MAGI2: variants seen among roughly 807,000 people sequenced by gnomAD.
MAGI2 encodes membrane associated guanylate kinase, WW and PDZ domain containing 2.
Under a neutral mutation model 133.3 loss-of-function variants are expected in MAGI2, and 35 were observed. The ratio of observed to expected loss-of-function variants is 0.26; its 90% CI spans 0.20 to 0.35. The LOEUF is 0.35. Ranked by LOEUF, MAGI2 falls within the 10% of genes least tolerant of loss-of-function variation. The pLI, the probability that MAGI2 is intolerant of heterozygous loss-of-function variation, is 1.00. For missense variants in MAGI2, 1,636 were observed against 1,863.4 expected (o/e 0.88, Z 2.25); for synonymous variants, 729 against 710.6 (o/e 1.03, Z -0.41).
chr7:78,920,179 T>G (rs1325242653), intron 2 of MAGI2, among the ~76,000 whole-genome samples: 1 of 152,102 alleles, frequency 6.6e-6, no homozygotes, highest in East Asian at 1.9e-4. Context: ...GGAGACTGTA[T>G]AGTGTAGTGT....
intron 3 of MAGI2, among the ~76,000 whole-genome samples, chr7:78,538,489 T>C (rs1420396834): frequency 6.6e-6 from 1 of 152,212 alleles, no homozygotes; most frequent in African/African-American, 2.4e-5. Context: ...ATTTGTGTTG[T>C]CCATGAGTTA....
At chr7:79,106,590 G>C (rs1485360979) in intron 1 of MAGI2, among the ~76,000 whole-genome samples, 1 of 152,092 alleles carries the variant, frequency 6.6e-6, no homozygotes, top group Non-Finnish European at 1.5e-5. Context: ...TTCCTACTAA[G>C]AGTCTTACAA....
At chr7:79,083,305 T>TTA (rs1816213177) in intron 1 of MAGI2, among the ~76,000 whole-genome samples, 1 of 6 alleles carries the variant, frequency 0.17, no homozygotes, top group East Asian at 0.5. Context: ...ATGATGTTAT[T>TTA]TTTTTTTTTT....
chr7:78,996,643 G>A (rs925684541), intron 2 of MAGI2, among the ~76,000 whole-genome samples: 1 of 152,096 alleles, frequency 6.6e-6, no homozygotes, highest in Admixed American at 6.6e-5. Flanking sequence ...AACGGCACTT[G>A]TATCCCTGAA....
chr7:78,579,359 C>T (rs936551533), intron 3 of MAGI2, among the ~76,000 whole-genome samples: 1 of 152,074 alleles, frequency 6.6e-6, no homozygotes, highest in African/African-American at 2.4e-5. Flanking sequence ...ATATACCTCC[C>T]CAAAATATGA....
intron 6 of MAGI2, among the ~76,000 whole-genome samples, chr7:78,424,702 A>G (rs1173272709): frequency 1.3e-5 from 2 of 152,208 alleles, no homozygotes; most frequent in Non-Finnish European, 2.9e-5. Flanking sequence ...AATGTGAGAC[A>G]TGGAGTCAAA....
chr7:78,646,008 G>A (rs544244380), intron 2 of MAGI2, among the ~76,000 whole-genome samples: 1 of 152,226 alleles, frequency 6.6e-6, no homozygotes, highest in African/African-American at 2.4e-5. Flanking sequence ...CAAAGTGCTG[G>A]GATTACAGGC....
At chr7:79,074,772 C>T (rs555267846) in intron 1 of MAGI2, among the ~76,000 whole-genome samples, 9 of 152,158 alleles carry the variant, frequency 5.9e-5, no homozygotes, top group African/African-American at 1.4e-4. Context: ...GAAAGCCAAA[C>T]AGGAAATCTG....
chr7:78,896,632 A>G (rs571953205), intron 2 of MAGI2, among the ~76,000 whole-genome samples: 2 of 151,654 alleles, frequency 1.3e-5, no homozygotes, highest in Non-Finnish European at 2.9e-5. Flanking sequence ...CAGTCGTGCA[A>G]TCTCGGCTCA....
At chr7:78,504,360 T>G (rs1165054517) in intron 4 of MAGI2, among the ~76,000 whole-genome samples, 1 of 152,204 alleles carries the variant, frequency 6.6e-6, no homozygotes, top group Non-Finnish European at 1.5e-5. Context: ...GAGCTATTCA[T>G]GGATTCATTT....
At chr7:78,975,293 T>G (rs961636475) in intron 2 of MAGI2, among the ~76,000 whole-genome samples, 15 of 151,894 alleles carry the variant, frequency 9.9e-5, no homozygotes, top group Admixed American at 2.0e-4. Context: ...TAAAATGCAC[T>G]TTAATAAAAT....
chr7:79,309,208 G>GT lies in MAGI2; in HGVS notation c.301+143811dup, dbSNP rs1444139600. Among the ~76,000 whole-genome samples, 3 of 151,844 alleles carry GT rather than the reference G, an allele frequency of 2.0e-5. No homozygotes were observed. In the East Asian group the frequency reaches 5.8e-4, roughly 29 times the overall value. On this transcript the variant is annotated intron_variant, in intron 1 of 21. Transcript: ENST00000354212. ...CTCTTTTACCTAACAGTCTCAATATGTGTGATATAAACTCTGATTATCCCA... is the reference window on the plus strand; with the variant it reads ...CTCTTTTACCTAACAGTCTCAATATGTTGTGATATAAACTCTGATTATCCCA...
At chr7:78,390,415 T>A (rs111342193) in intron 6 of MAGI2, among the ~76,000 whole-genome samples, 3 of 152,296 alleles carry the variant, frequency 2.0e-5, no homozygotes, top group African/African-American at 7.2e-5. Flanking sequence ...ATTATAAAAT[T>A]TGTATTTATT....
chr7:78,633,701 G>C (rs1360273757), intron 2 of MAGI2, among the ~76,000 whole-genome samples: 10 of 104,228 alleles, frequency 9.6e-5, no homozygotes, highest in Non-Finnish European at 1.5e-4. Flanking sequence ...GCGAGACTCC[G>C]TCTCAAAAAA....
At chr7:79,418,983 AC>A (rs1846748877) in intron 1 of MAGI2, among the ~76,000 whole-genome samples, 1 of 151,998 alleles carries the variant, frequency 6.6e-6, no homozygotes, top group South Asian at 2.1e-4. Context: ...TAACAATGCT[AC>A]CCCAATGCCA....
intron 2 of MAGI2, among the ~76,000 whole-genome samples, chr7:78,659,308 G>C (rs1025793415): frequency 1.3e-5 from 2 of 151,346 alleles, no homozygotes; most frequent in Admixed American, 1.3e-4. Context: ...AATTTTAGCT[G>C]GGTGTGGTGG....
intron 20 of MAGI2, among the ~76,000 whole-genome samples, chr7:78,113,789 G>C (rs538179016): frequency 2.6e-5 from 4 of 152,312 alleles, no homozygotes; most frequent in Admixed American, 2.6e-4. Context: ...ATAAATAACA[G>C]TACAGGCCTT....
At chr7:79,042,850 C>A (rs1009519826) in intron 1 of MAGI2, among the ~76,000 whole-genome samples, 4 of 151,808 alleles carry the variant, frequency 2.6e-5, no homozygotes, top group African/African-American at 9.7e-5. Flanking sequence ...AAACAATTCC[C>A]AACAAAGAAA....
At chr7:78,184,180 T>A (rs1394545323) in intron 13 of MAGI2, among the ~76,000 whole-genome samples, 1 of 152,184 alleles carries the variant, frequency 6.6e-6, no homozygotes, top group Non-Finnish European at 1.5e-5. Flanking sequence ...AAGCTGAGAT[T>A]TAAAATTCCA....
Sources: gnomAD v4.1 joint callset for allele counts (sites outside exome capture counted in the v4.1 genomes callset) on GRCh38, gnomAD v4.1.1 for gene constraint, MANE v1.5 for transcripts, NCBI Gene and HGNC (gene_info 2026-07-23, HGNC 2026-07-21) for gene names.